CAMTA1: variants seen among roughly 807,000 people sequenced by gnomAD.
CAMTA1 encodes the protein calmodulin binding transcription activator 1, also known as calmodulin-binding transcription activator 1.
A neutral mutation model predicts 170.9 loss-of-function variants in CAMTA1; 27 were observed. The ratio of observed to expected loss-of-function variants is 0.16; its 90% CI spans 0.12 to 0.22. CAMTA1 has a LOEUF of 0.22. Ranked by LOEUF, CAMTA1 falls within the 10% of genes least tolerant of loss-of-function variation. The pLI is 1.00. For missense variants in CAMTA1, 1,619 were observed against 2,217.2 expected (o/e 0.73, Z 5.42); for synonymous variants, 833 against 891.5 (o/e 0.93, Z 1.17).
chr1:7,046,902 G>T (rs923353141), intron 3 of CAMTA1, among the ~76,000 whole-genome samples: 1 of 152,164 alleles, frequency 6.6e-6, no homozygotes, highest in East Asian at 1.9e-4. Context: ...ACTGCTGCCG[G>T]AGTAGACATG....
At chr1:6,787,807 T>C (rs1639853510) in intron 1 of CAMTA1, among the ~76,000 whole-genome samples, 1 of 152,224 alleles carries the variant, frequency 6.6e-6, no homozygotes, top group Non-Finnish European at 1.5e-5. Context: ...GCGGTCTGAA[T>C]TTAGGGGTGG....
At chr1:7,317,503 G>A (rs567373357) in intron 5 of CAMTA1, among the ~76,000 whole-genome samples, 9 of 152,218 alleles carry the variant, frequency 5.9e-5, no homozygotes, top group Non-Finnish European at 1.0e-4. Flanking sequence ...AGTAAACACT[G>A]CTTACAAGTT....
At chr1:6,895,392 A>G (rs931554511) in intron 3 of CAMTA1, among the ~76,000 whole-genome samples, 28 of 151,966 alleles carry the variant, frequency 1.8e-4, no homozygotes, top group South Asian at 6.2e-4. Context: ...AGTCCAAGCC[A>G]CCTTCTTTTC....
intron 5 of CAMTA1, among the ~76,000 whole-genome samples, chr1:7,380,787 A>T (rs1338506595): frequency 1.3e-5 from 2 of 152,230 alleles, no homozygotes; most frequent in Non-Finnish European, 2.9e-5. Context: ...TTTGGGCTCT[A>T]TGAAAACTAC....
Position 7,712,953 on chromosome 1 carries a change from T to C in CAMTA1, c.2915-19495T>C, listed in dbSNP as rs60980134. Among the ~76,000 whole-genome samples the C allele has an allele frequency of 6.4e-3, 971 of 152,092 alleles. 11 individuals carry two copies. The highest frequency in any genetic ancestry group is 0.022 in the African/African-American group (930 of 41,480). On this transcript the variant is annotated intron_variant, in intron 11 of 22. Coordinates refer to ENST00000303635, the MANE Select transcript of CAMTA1 (RefSeq NM_015215.4). ...TATCACGAGAACAGCAGGAGAAAAA[T>C]CCACCCTCATGATTCAGTTACCTCC... is the stretch of plus-strand genomic sequence containing the variant.
At chr1:7,258,459 G>A (rs1205797380) in intron 5 of CAMTA1, among the ~76,000 whole-genome samples, 2 of 152,126 alleles carry the variant, frequency 1.3e-5, no homozygotes, top group African/African-American at 4.8e-5. Flanking sequence ...CAGTTACAAT[G>A]TAAACCCTTG....
chr1:7,539,608 T>C (rs1024491894), intron 6 of CAMTA1, among the ~76,000 whole-genome samples: 1 of 152,234 alleles, frequency 6.6e-6, no homozygotes, highest in Non-Finnish European at 1.5e-5. Context: ...GCCTGATTCC[T>C]CTGTTTCCTA....
chr1:7,276,278 CAT>C (rs1210333666), intron 5 of CAMTA1, among the ~76,000 whole-genome samples: 9 of 58,552 alleles, frequency 1.5e-4, no homozygotes, highest in South Asian at 8.5e-4. Flanking sequence ...TACACCTGAT[CAT>C]ATATATATAT....
intron 3 of CAMTA1, among the ~76,000 whole-genome samples, chr1:6,915,080 A>G (rs1293074745): frequency 1.3e-5 from 2 of 152,206 alleles, no homozygotes; most frequent in Admixed American, 6.5e-5. Context: ...CTCAGGCTTA[A>G]TTAAGCCTTC....
At chr1:7,149,136 A>G (rs1159644268) in intron 4 of CAMTA1, among the ~76,000 whole-genome samples, 3 of 152,166 alleles carry the variant, frequency 2.0e-5, no homozygotes, top group African/African-American at 7.2e-5. Context: ...ACAAGTCCCT[A>G]CTTGCCATTC....
rs74051022 is a variant in CAMTA1, at chr1:6,870,435, C to T, written c.234+45225C>T. 2.6e-3 allele frequency among the ~76,000 whole-genome samples: 397 copies of T among 152,214 alleles called. 1 individual carries two copies. Among genetic ancestry groups the T allele is most frequent in the African/African-American group, 9.2e-3 (384 of 41,522 alleles). On this transcript the variant is annotated intron_variant, in intron 3 of 22. Coordinates refer to ENST00000303635, the MANE Select transcript of CAMTA1 (RefSeq NM_015215.4). ...GCATGAGCTCTGCAAGTTATTTTAACAAAACCTAATCACAGGAACAAACAT... is the reference window on the plus strand; with the variant it reads ...GCATGAGCTCTGCAAGTTATTTTAATAAAACCTAATCACAGGAACAAACAT...
At chr1:7,166,045 C>CG (rs200239367) in intron 4 of CAMTA1, among the ~76,000 whole-genome samples, 20 of 149,662 alleles carry the variant, frequency 1.3e-4, no homozygotes, top group African/African-American at 2.7e-4. Context: ...TCTCTCTAAG[C>CG]GGGGGGGTGT....
intron 6 of CAMTA1, among the ~76,000 whole-genome samples, chr1:7,545,832 T>C (rs2094684158): frequency 6.6e-6 from 1 of 151,982 alleles, no homozygotes; most frequent in Admixed American, 6.6e-5. Context: ...TTTCTGATGC[T>C]CTCCCTCCCC....
At chr1:6,952,209 T>A (rs928713637) in intron 3 of CAMTA1, among the ~76,000 whole-genome samples, 42 of 151,800 alleles carry the variant, frequency 2.8e-4, no homozygotes, top group African/African-American at 9.4e-4. Context: ...GGCGGGCGGA[T>A]CACGAGGTCA....
At chr1:7,334,468 A>G (rs972818395) in intron 5 of CAMTA1, among the ~76,000 whole-genome samples, 13 of 152,218 alleles carry the variant, frequency 8.5e-5, no homozygotes, top group Admixed American at 5.2e-4. Context: ...TGCTTACCCT[A>G]GCATGTAGCT....
chr1:7,186,767 G>T (rs1008401928), intron 4 of CAMTA1, among the ~76,000 whole-genome samples: 2 of 152,112 alleles, frequency 1.3e-5, no homozygotes, highest in Non-Finnish European at 2.9e-5. Context: ...ACTATTCCTT[G>T]CAATAAGCCA....
rs978745696 is a variant in CAMTA1 at position 7,642,265 on chromosome 1, G to A, written c.664+1712G>A. 6.6e-6 allele frequency among the ~76,000 whole-genome samples: 1 copy of A among 152,216 alleles called. No homozygotes were observed. Among genetic ancestry groups the A allele is most frequent in the Non-Finnish European group, 1.5e-5 (1 of 68,040 alleles). ...ATGGGGAAATGGCACAGCTGCCCTT[G>A]GGAAGCCCTCCGGCTCTCTGCACAG... On this transcript the variant is annotated intron_variant, in intron 7 of 22. Transcript: ENST00000303635. The surrounding 1 kb of genome is among the most constrained non-coding windows in gnomAD (Gnocchi z 6.3).
At chr1:6,841,924 A>T (rs967116509) in intron 3 of CAMTA1, among the ~76,000 whole-genome samples, 1 of 152,148 alleles carries the variant, frequency 6.6e-6, no homozygotes, top group Non-Finnish European at 1.5e-5. Flanking sequence ...CCCACCTCAG[A>T]TGCTGTCATT....
chr1:7,692,223 GCTAC>G (rs1347149456), intron 11 of CAMTA1, among the ~76,000 whole-genome samples: 1 of 152,164 alleles, frequency 6.6e-6, no homozygotes, highest in Non-Finnish European at 1.5e-5. Context: ...TTGACCCTCT[GCTAC>G]CTCTTTATTG....
Sources: gnomAD v4.1 joint callset for allele counts (sites outside exome capture counted in the v4.1 genomes callset) on GRCh38, gnomAD v4.1.1 for gene constraint, Gnocchi (gnomAD v3.1) non-coding constraint, MANE v1.5 for transcripts, NCBI Gene and HGNC (gene_info 2026-07-23, HGNC 2026-07-21) for gene names.